Variants in SNX18 observed in about 807,000 individuals in gnomAD.
SNX18 encodes the protein sorting nexin 18.
Under a neutral mutation model 48.7 loss-of-function variants are expected in SNX18, and 35 were observed. The observed-to-expected ratio is 0.72, with a 90% CI of 0.55 to 0.95. SNX18 has a LOEUF of 0.95. Among genes scored for constraint, SNX18 ranks in the 40% least tolerant of loss-of-function variants. The pLI is 0.00. For synonymous variants in SNX18, 492 were observed against 384.7 expected (o/e 1.28, Z -3.26); for missense variants, 824 against 871.0 (o/e 0.95, Z 0.68).
At chr5:54,600,214 CAT>C in the SNX18 span, among the ~76,000 whole-genome samples, 18 of 152,092 alleles carry the variant, frequency 1.2e-4, no homozygotes, top group African/African-American at 4.3e-4. Flanking sequence ...AGCCAACAAA[CAT>C]ATGAAAAAAA....
the SNX18 span, among the ~76,000 whole-genome samples, chr5:54,598,330 T>C: frequency 2.6e-5 from 4 of 152,138 alleles, no homozygotes; most frequent in Non-Finnish European, 5.9e-5. Context: ...TGATACCATT[T>C]CTTCTGCAAT....
chr5:54,571,729 G>T, the SNX18 span, among the ~76,000 whole-genome samples: 1 of 152,200 alleles, frequency 6.6e-6, no homozygotes, highest in Non-Finnish European at 1.5e-5. Flanking sequence ...CCCTGAGCTG[G>T]GTTCTGTGCC....
intron 1 of SNX18, among the ~76,000 whole-genome samples, chr5:54,528,205 T>G (rs1435985835): frequency 6.6e-6 from 1 of 152,126 alleles, no homozygotes; most frequent in African/African-American, 2.4e-5. Context: ...ACATGTTTAC[T>G]GGGGTCTCGT....
chr5:54,517,958 G>A lies in SNX18; in HGVS notation c.6G>A (p.Ala2=). The A allele has an allele frequency of 2.6e-6, 4 of 1,513,066 alleles. No individual in the cohort carries two copies. Among genetic ancestry groups the A allele is most frequent in the Non-Finnish European group, 3.5e-6 (4 of 1,133,806 alleles). The allele number at this position is 1,513,066 out of a possible 1,614,324, so 93.7% of individuals were successfully genotyped here. M[A]LRARALYDFR... is the part of the protein sequence containing the mutation. Reference sequence around the variant, plus strand: ...CCAGTCGGGGCGCCGGGACCATGGCGCTGCGCGCCCGGGCGCTGTACGACT... The same window carrying A: ...CCAGTCGGGGCGCCGGGACCATGGCACTGCGCGCCCGGGCGCTGTACGACT... Residue 2 remains alanine, a synonymous_variant, in exon 1 of 2, where the codon GCG becomes GCA. Coordinates refer to ENST00000381410, the MANE Select transcript of SNX18 (RefSeq NM_001102575.2).
chr5:54,625,716 A>C, the SNX18 span, among the ~76,000 whole-genome samples: 754 of 152,304 alleles, frequency 5.0e-3, 4 homozygotes, highest in Middle Eastern at 0.017. Context: ...GCCATCTTGG[A>C]GGCTGTCTAG....
chr5:54,585,991 C>A, the SNX18 span, among the ~76,000 whole-genome samples: 1 of 145,164 alleles, frequency 6.9e-6, no homozygotes, highest in East Asian at 2.0e-4. Flanking sequence ...GGCGACGGAG[C>A]GAGACTCCGT....
chr5:54,579,904 T>G, the SNX18 span, among the ~76,000 whole-genome samples: 1 of 152,212 alleles, frequency 6.6e-6, no homozygotes, highest in Non-Finnish European at 1.5e-5. Flanking sequence ...ATATAGGAGT[T>G]GAACCAAAAA....
chr5:54,620,444 C>T, the SNX18 span, among the ~76,000 whole-genome samples: 2 of 152,170 alleles, frequency 1.3e-5, no homozygotes, highest in African/African-American at 4.8e-5. Flanking sequence ...ATGCTGAGGT[C>T]ACTGTCAACT....
the SNX18 span, among the ~76,000 whole-genome samples, chr5:54,587,066 G>T: frequency 6.6e-6 from 1 of 151,254 alleles, no homozygotes; most frequent in Non-Finnish European, 1.5e-5. Context: ...CAGAGTTAAA[G>T]CCTCACAGGT....
chr5:54,585,680 T>C, the SNX18 span, among the ~76,000 whole-genome samples: 2 of 152,070 alleles, frequency 1.3e-5, no homozygotes, highest in Admixed American at 1.3e-4. Context: ...CCCTGGCTGA[T>C]GAAGCGCCTT....
At chr5:54,539,251 A>G (rs1424799703) in intron 1 of SNX18, among the ~76,000 whole-genome samples, 1 of 143,652 alleles carries the variant, frequency 7.0e-6, no homozygotes, top group African/African-American at 2.6e-5. Context: ...TTCAGATCCC[A>G]TCTCAGCCTC....
chr5:54,634,903 A>T, the SNX18 span, among the ~76,000 whole-genome samples: 1 of 151,338 alleles, frequency 6.6e-6, no homozygotes, highest in African/African-American at 2.4e-5. Context: ...AGTGCACTGG[A>T]AATTAACTAA....
chr5:54,595,956 CCT>C, the SNX18 span, among the ~76,000 whole-genome samples: 1 of 152,146 alleles, frequency 6.6e-6, no homozygotes, highest in Non-Finnish European at 1.5e-5. Flanking sequence ...CTGTCTCTCC[CCT>C]GTGTTTCATT....
chr5:54,522,131 T>G (rs887064538), intron 1 of SNX18, among the ~76,000 whole-genome samples: 2 of 152,206 alleles, frequency 1.3e-5, no homozygotes, highest in African/African-American at 4.8e-5. Context: ...AGTGACAGTG[T>G]GCGATACATA....
intron 1 of SNX18, among the ~76,000 whole-genome samples, chr5:54,537,442 C>G (rs997033924): frequency 4.6e-5 from 7 of 152,174 alleles, no homozygotes; most frequent in Admixed American, 1.3e-4. Context: ...GAAGCAGTTT[C>G]AGTTTACAGT....
intron 1 of SNX18, among the ~76,000 whole-genome samples, chr5:54,532,756 A>G (rs943388377): frequency 6.6e-6 from 1 of 152,204 alleles, no homozygotes; most frequent in Non-Finnish European, 1.5e-5. Context: ...AAGAACCTTT[A>G]TGTATATAAA....
chr5:54,624,509 A>T, the SNX18 span, among the ~76,000 whole-genome samples: 2 of 152,222 alleles, frequency 1.3e-5, no homozygotes, highest in Non-Finnish European at 2.9e-5. Flanking sequence ...CCTCCATGTA[A>T]CATATCTTGG....
At chr5:54,565,837 G>A in the SNX18 span, among the ~76,000 whole-genome samples, 2 of 152,162 alleles carry the variant, frequency 1.3e-5, no homozygotes. Flanking sequence ...AACTTTGTTT[G>A]ACATTTTGCT....
chr5:54,526,080 A>G (rs947125444), intron 1 of SNX18, among the ~76,000 whole-genome samples: 10 of 152,110 alleles, frequency 6.6e-5, no homozygotes, highest in Non-Finnish European at 1.5e-4. Flanking sequence ...CTCTGACCCA[A>G]ATTAATAGGA....
Sources: gnomAD v4.1 joint callset for allele counts (sites outside exome capture counted in the v4.1 genomes callset) on GRCh38, gnomAD v4.1.1 for gene constraint, MANE v1.5 for transcripts, NCBI Gene and HGNC (gene_info 2026-07-23, HGNC 2026-07-21) for gene names.